RAPGEF5: variants seen among roughly 807,000 people sequenced by gnomAD.
RAPGEF5 encodes the protein Rap guanine nucleotide exchange factor 5, also known as M-Ras-regulated GEF.
In RAPGEF5, 65 loss-of-function variants were observed where a neutral mutation model predicts 125.2. That is an observed-to-expected ratio of 0.52 (90% CI 0.43 to 0.64). RAPGEF5 has a LOEUF of 0.64. RAPGEF5 is among the 30% of genes least tolerant of loss of function. The pLI is 0.00. For missense variants in RAPGEF5, 958 were observed against 1,048.1 expected (o/e 0.91, Z 1.19); for synonymous variants, 391 against 385.9 (o/e 1.01, Z -0.16).
chr7:22,314,628 G>A (rs955051069), intron 3 of RAPGEF5: 51 of 982,076 alleles, frequency 5.2e-5, no homozygotes, highest in African/African-American at 3.9e-4. Context: ...GGTATTGCAC[G>A]TCATTTCTTT....
At chr7:22,351,788 G>A (rs541049856) in intron 1 of RAPGEF5, among the ~76,000 whole-genome samples, 5 of 152,256 alleles carry the variant, frequency 3.3e-5, no homozygotes, top group East Asian at 3.9e-4. Flanking sequence ...AATTTGGATC[G>A]GTTTCTATTT....
At chr7:22,231,065 T>A (rs1472066917) in intron 7 of RAPGEF5, 146 bp from the exon 8 acceptor site, 2 of 775,034 alleles carry the variant, frequency 2.6e-6, no homozygotes, top group Non-Finnish European at 4.2e-6. Context: ...GTTAATCAAA[T>A]GTGAAGTTAG....
chr7:22,349,826 C>T (rs940996796), intron 1 of RAPGEF5, among the ~76,000 whole-genome samples: 2 of 152,184 alleles, frequency 1.3e-5, no homozygotes, highest in African/African-American at 2.4e-5. Context: ...TCTTTCTCTG[C>T]TATTTCCTAC....
intron 6 of RAPGEF5, among the ~76,000 whole-genome samples, chr7:22,280,962 G>T (rs1008287889): frequency 6.6e-5 from 10 of 152,184 alleles, no homozygotes; most frequent in Non-Finnish European, 1.2e-4. Flanking sequence ...AAGAAAAAAA[G>T]AATATTGCCT....
chr7:22,175,648 T>C (rs1784480867), intron 11 of RAPGEF5, among the ~76,000 whole-genome samples: 1 of 152,192 alleles, frequency 6.6e-6, no homozygotes, highest in Admixed American at 6.5e-5. Flanking sequence ...GTTGTCTGAT[T>C]AACATCACAC....
At chr7:22,213,931 A>C (rs1239697802) in intron 9 of RAPGEF5, among the ~76,000 whole-genome samples, 1 of 152,238 alleles carries the variant, frequency 6.6e-6, no homozygotes, top group South Asian at 2.1e-4. Flanking sequence ...TTAGTATTTC[A>C]TATAGAGTAA....
chr7:22,216,621 C>A (rs929350325), intron 9 of RAPGEF5, among the ~76,000 whole-genome samples: 2 of 152,252 alleles, frequency 1.3e-5, no homozygotes, highest in Middle Eastern at 3.4e-3. Flanking sequence ...TTTAAAGAAC[C>A]AACAACTCAA....
chr7:22,345,768 A>G (rs1784212875), intron 1 of RAPGEF5, among the ~76,000 whole-genome samples: 1 of 149,348 alleles, frequency 6.7e-6, no homozygotes, highest in Admixed American at 6.7e-5. Context: ...CTTAAACAGT[A>G]CCCAAAAGAA....
At chr7:22,292,967 C>T (rs1380331438) in intron 5 of RAPGEF5, among the ~76,000 whole-genome samples, 2 of 152,246 alleles carry the variant, frequency 1.3e-5, no homozygotes, top group East Asian at 1.9e-4. Flanking sequence ...TGAGCTGCTG[C>T]TGTTTTAGTG....
intron 5 of RAPGEF5, among the ~76,000 whole-genome samples, chr7:22,303,060 G>C (rs2128150934): frequency 6.6e-6 from 1 of 152,254 alleles, no homozygotes; most frequent in East Asian, 1.9e-4. Flanking sequence ...CAGCTGAATT[G>C]AAATAGTCAA....
intron 14 of RAPGEF5, among the ~76,000 whole-genome samples, chr7:22,158,861 T>C (rs1200427551): frequency 6.6e-6 from 1 of 152,174 alleles, no homozygotes; most frequent in Non-Finnish European, 1.5e-5. Context: ...CCTAAACTCT[T>C]GGACACAAGT....
chr7:22,284,094 T>TGC (rs1562507589), intron 6 of RAPGEF5, among the ~76,000 whole-genome samples: 3 of 147,572 alleles, frequency 2.0e-5, no homozygotes, highest in East Asian at 2.1e-4. Context: ...TGTGTGCGCG[T>TGC]GCATGTGGCA....
At chr7:22,284,459 T>C (rs1782749904) in intron 6 of RAPGEF5, among the ~76,000 whole-genome samples, 1 of 152,178 alleles carries the variant, frequency 6.6e-6, no homozygotes, top group African/African-American at 2.4e-5. Flanking sequence ...GGTGCTTCCT[T>C]AATGCCCCTT....
At chr7:22,193,211 A>T in intron 11 of RAPGEF5, 156 bp downstream of exon 11, 3 of 793,378 alleles carry the variant, frequency 3.8e-6, no homozygotes, top group Non-Finnish European at 3.9e-6. Context: ...TATTGGATTT[A>T]AACAAATCAG....
At chr7:22,203,316 G>A (rs1785322074) in intron 9 of RAPGEF5, among the ~76,000 whole-genome samples, 1 of 152,140 alleles carries the variant, frequency 6.6e-6, no homozygotes, top group Non-Finnish European at 1.5e-5. Flanking sequence ...GCCAAGAAGT[G>A]TACACCTCTA....
At position 22,298,200 on chromosome 7, in the gene RAPGEF5, G is replaced by A. The variant is rs148462420; in HGVS notation, c.681-6959C>T. Among the ~76,000 whole-genome samples, 4 of 147,578 alleles carry A rather than the reference G, an allele frequency of 2.7e-5. No individual in the cohort carries two copies. In the East Asian group the frequency reaches 5.9e-4, roughly 22 times the overall value. ...TTTTTGTTTTTTTTTTTTTTGAGAC[G>A]GAGTTTCACTCTTGTTGCCCAGGCT... On this transcript the variant is annotated intron_variant, in intron 5 of 25. Coordinates refer to ENST00000665637, the MANE Select transcript of RAPGEF5 (RefSeq NM_012294.5).
intron 19 of RAPGEF5, among the ~76,000 whole-genome samples, chr7:22,145,967 C>CGTGCGTGTGTGT (rs1554317374): frequency 2.1e-5 from 3 of 143,884 alleles, no homozygotes; most frequent in African/African-American, 7.6e-5. Context: ...TGTTTGTGTG[C>CGTGCGTGTGTGT]GTGTGTGTGT....
chr7:22,275,359 T>C (rs953644576), intron 6 of RAPGEF5, among the ~76,000 whole-genome samples: 3 of 152,224 alleles, frequency 2.0e-5, no homozygotes, highest in African/African-American at 7.2e-5. Flanking sequence ...CCATTCCTGG[T>C]ACATACGTTT....
intron 1 of RAPGEF5, among the ~76,000 whole-genome samples, chr7:22,325,716 C>T (rs1351057110): frequency 6.6e-6 from 1 of 152,104 alleles, no homozygotes; most frequent in Non-Finnish European, 1.5e-5. Flanking sequence ...AGGTGCACAC[C>T]ACCATGCCTG....
Sources: gnomAD v4.1 joint callset for allele counts (sites outside exome capture counted in the v4.1 genomes callset) on GRCh38, gnomAD v4.1.1 for gene constraint, MANE v1.5 for transcripts, NCBI Gene and HGNC (gene_info 2026-07-23, HGNC 2026-07-21) for gene names.